The following PCDHGB2 variants were observed in gnomAD, a reference collection of about 807,000 sequenced individuals.
PCDHGB2 encodes protocadherin gamma-B2.
PCDHGB2 carries 55 observed loss-of-function variants against 59.3 expected under a neutral mutation model. That is an observed-to-expected ratio of 0.93 (90% CI 0.75 to 1.16). The LOEUF (loss-of-function observed/expected upper bound fraction) is 1.16, where lower values mean the gene tolerates loss of function less well. Among genes scored for constraint, PCDHGB2 ranks in the 50% most tolerant of loss-of-function variants. The pLI is 0.00. For missense variants in PCDHGB2, 1,228 were observed against 1,198.5 expected (o/e 1.02, Z -0.36); for synonymous variants, 516 against 512.0 (o/e 1.01, Z -0.11).
At chr5:141,497,464 TGGA>T (rs769464389) in intron 2 of PCDHGB2, among the ~76,000 whole-genome samples, 3 of 151,764 alleles carry the variant, frequency 2.0e-5, no homozygotes, top group Non-Finnish European at 4.4e-5. Context: ...CTTGGAGATA[TGGA>T]GGAGAAGGTG....
In PCDHGB2 at chr5:141,463,518, G is replaced by A. The variant is rs537466389; in HGVS notation, c.2422-31289G>A. 5.7e-5 allele frequency among the ~76,000 whole-genome samples: 8 copies of A among 139,140 alleles called. No individual in the cohort carries two copies. The East Asian group carries it at 1.3e-3, about 22-fold the overall frequency. The allele number at this position is 139,140 out of a possible 152,430, so 91.3% of individuals were successfully genotyped here. On this transcript the variant is annotated intron_variant, in intron 1 of 3. Coordinates refer to ENST00000522605, the MANE Select transcript of PCDHGB2 (RefSeq NM_018923.3). The stretch of plus-strand genomic sequence containing the variant: ...GGCTGGAGTGACGTGGCGTGATCTC[G>A]GCTTACTAGAAACTCCGGCTCCCGG...
intron 1 of PCDHGB2, chr5:141,433,315 TCCGGTGTAACAGGGACTA>T: frequency 1.2e-6 from 1 of 856,086 alleles, no homozygotes; most frequent in Non-Finnish European, 1.8e-6. Flanking sequence ...CACCTTTGCC[TCCGGTGTAACAGGGACTA>T]CAGGTGCAAG....
chr5:141,462,202 C>T (rs188546035), intron 1 of PCDHGB2, among the ~76,000 whole-genome samples: 1,522 of 152,002 alleles, frequency 0.01, 33 homozygotes, highest in African/African-American at 0.034. Flanking sequence ...TCAGGTGATC[C>T]GCCTGCCTCG....
rs759809591 is a variant in PCDHGB2 at position 141,511,048 on chromosome 5, C to T, written c.2671C>T (p.Arg891Cys). The change falls in exon 4 of 4, where the codon CGC becomes TGC. Residue 891 changes from arginine (R) to cysteine (C), a missense_variant. This residue lies in a region of PCDHGB2 where 433 missense variants were observed against 441.8 expected (regional missense o/e 0.98). Coordinates refer to ENST00000522605, the MANE Select transcript of PCDHGB2 (RefSeq NM_018923.3). ...QFTLQHVPDY[R>C]QNVYIPGSNA... ...CACCCTGCAGCACGTGCCCGACTAC[C>T]GCCAGAATGTCTACATCCCAGGCAG... 9 of 1,614,224 alleles carry T rather than the reference C, an allele frequency of 5.6e-6. No individual in the cohort carries two copies. The highest frequency in any genetic ancestry group is 1.7e-5 in the Admixed American group (1 of 60,034).
intron 1 of PCDHGB2, among the ~76,000 whole-genome samples, chr5:141,448,451 C>T (rs1261733103): frequency 6.6e-6 from 1 of 152,032 alleles, no homozygotes; most frequent in Admixed American, 6.6e-5. Context: ...GACTTCCATC[C>T]CTATCCTACT....
rs566049956 is a variant in PCDHGB2 at position 141,511,685 on chromosome 5, G to A, written c.*512G>A. 1.0e-5 allele frequency: 2 copies of A among 198,374 alleles called. No individual in the cohort carries two copies. Among genetic ancestry groups the A allele is most frequent in the Non-Finnish European group, 2.1e-5 (2 of 94,428 alleles). The allele number at this position is 198,374 out of a possible 1,614,324, so 12.3% of individuals were successfully genotyped here. On this transcript the variant is annotated 3_prime_UTR_variant, in exon 4 of 4. Coordinates refer to ENST00000522605, the MANE Select transcript of PCDHGB2 (RefSeq NM_018923.3). ...GATTCTCAATCTTCCCCCAAAGCAT[G>A]GTTTGGTGCCAGCCCCTTCACCTCC...
chr5:141,365,757 C>A lies in PCDHGB2; in HGVS notation c.2421+3201C>A, dbSNP rs1331087585. The A allele has an allele frequency of 1.9e-6, 3 of 1,613,830 alleles. No individual in the cohort carries two copies. The East Asian group carries it at 6.7e-5, about 36-fold the overall frequency. ...GGTGTCTCTATCTTCTCTGTGACAG[C>A]CCATGACCCCGACAGCGGCGACAAC... On this transcript the variant is annotated intron_variant, in intron 1 of 3. Transcript: ENST00000522605.
intron 1 of PCDHGB2, among the ~76,000 whole-genome samples, chr5:141,453,047 G>A (rs930795400): frequency 1.3e-5 from 2 of 152,172 alleles, no homozygotes; most frequent in African/African-American, 4.8e-5. Context: ...TTTCTATTAT[G>A]TGCAGTTTTA....
rs11410533 is a variant in PCDHGB2, at chr5:141,429,387, TAAAA to T, written c.2422-65415_2422-65412del. Among the ~76,000 whole-genome samples, 383 of 151,446 alleles carry T rather than the reference TAAAA, an allele frequency of 2.5e-3. 1 individual carries two copies. The highest frequency in any genetic ancestry group is 4.2e-3 in the South Asian group (20 of 4,786). ...AAATGGAGAAAATGTGTTTTTTTTT[TAAAA>T]AAAATTGAGATTAAGGTCTCATTAT... On this transcript the variant is annotated intron_variant, in intron 1 of 3. Transcript: ENST00000522605.
At position 141,410,109 on chromosome 5, in the gene PCDHGB2, A is replaced by T. The variant is rs771550139; in HGVS notation, c.2421+47553A>T. On this transcript the variant is annotated intron_variant, in intron 1 of 3. Transcript: ENST00000522605. ...ACGGCTCGAGCCTTAGGCGACAGGG[A>T]CGCAGCCCGCCAGCGCCTGCTGGTC... is the stretch of plus-strand genomic sequence containing the variant. 9.9e-6 allele frequency: 16 copies of T among 1,612,380 alleles called. 1 individual carries two copies. The South Asian group carries it at 1.6e-4, about 17-fold the overall frequency.
In PCDHGB2 at chr5:141,491,856, C is replaced by A. The variant is rs754113958; in HGVS notation, c.2422-2951C>A. On this transcript the variant is annotated intron_variant, in intron 1 of 3. Coordinates refer to ENST00000522605, the MANE Select transcript of PCDHGB2 (RefSeq NM_018923.3). This position sits in a 1 kb window ranked among gnomAD's most constrained non-coding sequence, Gnocchi z 6.9. ...TCTCGGGATCATTGGACCGTTTGCG[C>A]GAAACCAGAGTGGCCGATTAAGGGA... 6.9e-7 allele frequency: 1 copy of A among 1,458,728 alleles called. No individual in the cohort carries two copies. The highest frequency in any genetic ancestry group is 9.1e-7 in the Non-Finnish European group (1 of 1,103,072). The allele number at this position is 1,458,728 out of a possible 1,614,324, so 90.4% of individuals were successfully genotyped here. A position where few individuals can be genotyped will look rare whatever the true frequency, so the allele number is the denominator to read the frequency against.
rs1419365808 is a variant in PCDHGB2 at position 141,477,321 on chromosome 5, C to G, written c.2422-17486C>G. 1.2e-6 allele frequency: 2 copies of G among 1,614,160 alleles called. No homozygotes were observed. Among genetic ancestry groups the G allele is most frequent in the East Asian group, 4.5e-5 (2 of 44,874 alleles). On this transcript the variant is annotated intron_variant, in intron 1 of 3. Coordinates refer to ENST00000522605, the MANE Select transcript of PCDHGB2 (RefSeq NM_018923.3). The surrounding 1 kb of genome is among the most constrained non-coding windows in gnomAD (Gnocchi z 4.9). Reference sequence around the variant, plus strand: ...GGTCTCCCTTTCAGCCTTACTTCTTCCCTCAAGAATTACTTCACTTTGAAA... The same window carrying G: ...GGTCTCCCTTTCAGCCTTACTTCTTGCCTCAAGAATTACTTCACTTTGAAA...
chr5:141,375,981 T>A, intron 1 of PCDHGB2: 1 of 1,613,410 alleles, frequency 6.2e-7, no homozygotes, highest in Non-Finnish European at 8.5e-7. Flanking sequence ...CGCGCCCTGC[T>A]GGACAGAGAC....
At chr5:141,393,115 G>A (rs1342924521) in intron 1 of PCDHGB2, 1 of 1,613,438 alleles carries the variant, frequency 6.2e-7, no homozygotes. Context: ...CAGAGCCCGC[G>A]GTGTCTGATA....
At chr5:141,413,855 C>G (rs2095686270) in intron 1 of PCDHGB2, 1 of 1,613,206 alleles carries the variant, frequency 6.2e-7, no homozygotes, top group African/African-American at 1.3e-5. Flanking sequence ...CCTCTCCGAT[C>G]TGGCACTGTC....
At chr5:141,467,008 AT>A (rs1165146249) in intron 1 of PCDHGB2, among the ~76,000 whole-genome samples, 2 of 150,270 alleles carry the variant, frequency 1.3e-5, no homozygotes, top group Non-Finnish European at 3.0e-5. Context: ...TTGCAATGCA[AT>A]TTTTTTCCCT....
intron 1 of PCDHGB2, among the ~76,000 whole-genome samples, chr5:141,382,046 C>G (rs1241597403): frequency 6.6e-6 from 1 of 151,928 alleles, no homozygotes. Flanking sequence ...TCAGGCTGGT[C>G]TCAAGCTCCC....
intron 1 of PCDHGB2, chr5:141,390,071 CTG>C: frequency 1.2e-6 from 2 of 1,614,084 alleles, no homozygotes; most frequent in Middle Eastern, 1.6e-4. Context: ...AGCCTGGTCT[CTG>C]TGTTAAATCC....
At chr5:141,379,976 T>C (rs1459223613) in intron 1 of PCDHGB2, among the ~76,000 whole-genome samples, 1 of 140,200 alleles carries the variant, frequency 7.1e-6, no homozygotes, top group Admixed American at 8.2e-5. Flanking sequence ...CTCTGCTCAC[T>C]GCAACTTCCT....
Sources: allele counts gnomAD v4.1 joint callset (sites outside exome capture counted in the v4.1 genomes callset), GRCh38; gene constraint gnomAD v4.1.1; regional missense constraint gnomAD v4.1.1; non-coding constraint Gnocchi (gnomAD v3.1); transcripts MANE v1.5; gene names NCBI Gene and HGNC (gene_info 2026-07-23, HGNC 2026-07-21).